The following KLRG1 variants were observed in gnomAD, a reference collection of about 807,000 sequenced individuals.
The protein encoded by KLRG1 is killer cell lectin like receptor G1, also known as killer cell lectin-like receptor subfamily G member 1.
KLRG1 carries 16 observed loss-of-function variants against 21.8 expected under a neutral mutation model. The observed-to-expected ratio is 0.73, with a 90% CI of 0.50 to 1.11. KLRG1 has a LOEUF of 1.11. Ranked by LOEUF, KLRG1 falls within the 50% of genes most tolerant of loss-of-function variation. KLRG1 has a pLI of 0.00. For missense variants in KLRG1, 173 were observed against 218.3 expected, an observed-to-expected ratio of 0.79 and a Z score of 1.31; for synonymous variants, 69 against 75.9, an observed-to-expected ratio of 0.91 and a Z score of 0.47.
At chr12:9,133,670 A>G in the KLRG1 span, among the ~76,000 whole-genome samples, 1 of 152,214 alleles carries the variant, frequency 6.6e-6, no homozygotes, top group African/African-American at 2.4e-5. Context: ...ATACAGCATT[A>G]TAGGCAGAGG....
At chr12:9,204,656 C>A in the KLRG1 span, among the ~76,000 whole-genome samples, 1 of 152,166 alleles carries the variant, frequency 6.6e-6, no homozygotes, top group African/African-American at 2.4e-5. Flanking sequence ...TACACAAACA[C>A]ACACTGTATT....
chr12:9,169,069 C>A, the KLRG1 span: 5 of 854,556 alleles, frequency 5.9e-6, no homozygotes, highest in South Asian at 7.1e-5. Flanking sequence ...TTCCAGTATC[C>A]TTATATTAAT....
chr12:9,156,317 T>C, the KLRG1 span: 1 of 211,108 alleles, frequency 4.7e-6, no homozygotes, highest in South Asian at 9.7e-5. Flanking sequence ...AATGTCACCC[T>C]TTGTCCTACT....
chr12:9,017,107 T>C, the KLRG1 span, among the ~76,000 whole-genome samples: 1 of 150,544 alleles, frequency 6.6e-6, no homozygotes, highest in East Asian at 2.0e-4. Flanking sequence ...CTACTAAAAA[T>C]ACAAAAATTA....
chr12:9,107,549 G>T, the KLRG1 span: 3 of 1,613,922 alleles, frequency 1.9e-6, no homozygotes, highest in Non-Finnish European at 2.5e-6. Flanking sequence ...CTCACAGAAA[G>T]CCTGTGAATC....
the KLRG1 span, among the ~76,000 whole-genome samples, chr12:9,162,976 T>C: frequency 6.6e-6 from 1 of 152,180 alleles, no homozygotes; most frequent in Non-Finnish European, 1.5e-5. Context: ...CTCGCCTCCA[T>C]GTGTCTATGT....
the KLRG1 span, chr12:9,165,927 T>G: frequency 8.3e-7 from 1 of 1,205,778 alleles, no homozygotes; most frequent in African/African-American, 1.5e-5. Flanking sequence ...CTTAGGTCTA[T>G]CCTAAAGAGG....
the KLRG1 span, among the ~76,000 whole-genome samples, chr12:9,139,616 G>A: frequency 6.6e-6 from 1 of 152,034 alleles, no homozygotes; most frequent in Non-Finnish European, 1.5e-5. Context: ...TTCTACTGTT[G>A]GATGCATATA....
the KLRG1 span, among the ~76,000 whole-genome samples, chr12:9,182,636 T>C: frequency 0.24 from 35,775 of 152,122 alleles, 4,325 homozygotes; most frequent in East Asian, 0.36. Context: ...TATAAGTACA[T>C]TGGTATATTT....
the KLRG1 span, among the ~76,000 whole-genome samples, chr12:9,017,317 A>C: frequency 1.3e-5 from 2 of 151,646 alleles, no homozygotes; most frequent in Non-Finnish European, 2.9e-5. Context: ...CCAAACAAAC[A>C]AACCCAAATG....
intron 1 of KLRG1, among the ~76,000 whole-genome samples, chr12:8,982,741 G>C (rs1048545698): frequency 2.0e-5 from 3 of 151,590 alleles, no homozygotes; most frequent in African/African-American, 7.3e-5. Flanking sequence ...CACCTTTTGG[G>C]TTCAAGCAAT....
At chr12:9,077,968 C>T in the KLRG1 span, 3 of 1,234,346 alleles carry the variant, frequency 2.4e-6, no homozygotes, top group Non-Finnish European at 3.5e-6. Flanking sequence ...TTCTTGTGTA[C>T]TTAGAGAGCT....
chr12:9,038,024 C>G, the KLRG1 span, among the ~76,000 whole-genome samples: 1 of 152,228 alleles, frequency 6.6e-6, no homozygotes, highest in Non-Finnish European at 1.5e-5. Flanking sequence ...TTTGGGAGGC[C>G]AAGACAGGAG....
At chr12:9,152,886 A>T in the KLRG1 span, 1 of 1,614,190 alleles carries the variant, frequency 6.2e-7, no homozygotes, top group Non-Finnish European at 8.5e-7. Context: ...TTTGGGGCAC[A>T]GTCTGCACTT....
chr12:9,041,545 G>A, the KLRG1 span, among the ~76,000 whole-genome samples: 1 of 152,122 alleles, frequency 6.6e-6, no homozygotes. Context: ...AGAGTGCTGT[G>A]GAGCTGGTGT....
chr12:9,180,000 C>G, the KLRG1 span, among the ~76,000 whole-genome samples: 8 of 152,154 alleles, frequency 5.3e-5, no homozygotes, highest in Non-Finnish European at 8.8e-5. Flanking sequence ...TAAAATGGGA[C>G]TATTATTCTC....
At chr12:9,196,402 T>C in the KLRG1 span, 1 of 1,613,856 alleles carries the variant, frequency 6.2e-7, no homozygotes, top group Non-Finnish European at 8.5e-7. Context: ...ATACAATGTT[T>C]GTGATTTCAC....
intron 3 of KLRG1, among the ~76,000 whole-genome samples, chr12:9,007,720 C>G (rs1947513724): frequency 6.6e-6 from 1 of 152,168 alleles, no homozygotes; most frequent in Non-Finnish European, 1.5e-5. Context: ...AATGGGACAT[C>G]TGGTGGTATC....
the KLRG1 span, chr12:9,112,065 A>C: frequency 8.6e-7 from 1 of 1,168,116 alleles, no homozygotes; most frequent in Non-Finnish European, 1.3e-6. Context: ...ATGATACCAG[A>C]TTCTTCCTCT....
Sources: gnomAD v4.1 joint callset for allele counts (sites outside exome capture counted in the v4.1 genomes callset) on GRCh38, gnomAD v4.1.1 for gene constraint, MANE v1.5 for transcripts, NCBI Gene and HGNC (gene_info 2026-07-23, HGNC 2026-07-21) for gene names.